Variants in C8orf34 observed in about 807,000 individuals in gnomAD.
The protein encoded by C8orf34 is chromosome 8 open reading frame 34.
A neutral mutation model predicts 68.3 loss-of-function variants in C8orf34; 65 were observed. The observed-to-expected ratio is 0.95, with a 90% CI of 0.78 to 1.17. The LOEUF (loss-of-function observed/expected upper bound fraction) is 1.17. Among genes scored for constraint, C8orf34 ranks in the 50% most tolerant of loss-of-function variants. The pLI is 0.00. For missense variants in C8orf34, 664 were observed against 655.4 expected (o/e 1.01, Z -0.14); for synonymous variants, 244 against 241.2 (o/e 1.01, Z -0.11).
intron 7 of C8orf34, among the ~76,000 whole-genome samples, chr8:68,568,335 T>C (rs1586386450): frequency 6.6e-6 from 1 of 152,288 alleles, no homozygotes; most frequent in East Asian, 1.9e-4. Flanking sequence ...TGTCTTGGCT[T>C]TCCCTGTGTC....
At chr8:68,685,974 A>G (rs904065477) in intron 8 of C8orf34, among the ~76,000 whole-genome samples, 3 of 152,026 alleles carry the variant, frequency 2.0e-5, no homozygotes, top group African/African-American at 7.2e-5. Flanking sequence ...TACCATAGAA[A>G]TGCAAAAGAT....
intron 6 of C8orf34, among the ~76,000 whole-genome samples, chr8:68,524,170 C>G (rs1347602723): frequency 6.6e-6 from 1 of 152,174 alleles, no homozygotes; most frequent in African/African-American, 2.4e-5. Flanking sequence ...AGCCAGCTTT[C>G]CTTTTCATGC....
chr8:68,772,851 C>T lies in C8orf34; in HGVS notation c.1405-3548C>T, dbSNP rs552431294. Among the ~76,000 whole-genome samples, 3 of 148,160 alleles carry T rather than the reference C, an allele frequency of 2.0e-5. No homozygotes were observed. The South Asian group carries it at 6.5e-4, about 32-fold the overall frequency. On this transcript the variant is annotated intron_variant, in intron 10 of 13. Transcript: ENST00000518698. ...CTTTCTTTTCTTTCTTTCTCTCTTT[C>T]TCTCCTTCCTTCCTTCTTTCCTTCC...
At chr8:68,517,419 T>C (rs1412528434) in intron 5 of C8orf34, among the ~76,000 whole-genome samples, 1 of 152,198 alleles carries the variant, frequency 6.6e-6, no homozygotes, top group Admixed American at 6.5e-5. Context: ...AAGAGCTTTG[T>C]GAATTTAGAA....
chr8:68,422,319 C>CA (rs368951790), intron 1 of C8orf34, among the ~76,000 whole-genome samples: 168 of 152,296 alleles, frequency 1.1e-3, no homozygotes, highest in African/African-American at 3.8e-3. Context: ...AATGGAGATA[C>CA]GGTATTGGGT....
At chr8:68,402,021 TACAAA>T (rs1808980241) in intron 1 of C8orf34, among the ~76,000 whole-genome samples, 1 of 152,238 alleles carries the variant, frequency 6.6e-6, no homozygotes, top group South Asian at 2.1e-4. Context: ...AAAATTTGGC[TACAAA>T]TTCACCTGGT....
At chr8:68,346,171 TA>T (rs1168895468) in intron 1 of C8orf34, among the ~76,000 whole-genome samples, 1 of 149,776 alleles carries the variant, frequency 6.7e-6, no homozygotes, top group Admixed American at 6.6e-5. Context: ...TGATTGGAAA[TA>T]TGATATATTT....
At position 68,805,107 on chromosome 8, in the gene C8orf34, T is replaced by C. The variant is rs147063833; in HGVS notation, c.1550-10779T>C. ...TTTCAGGCTTGCATTTTTTTTCTGA[T>C]ATGTAGGTTTAAGTTTTAAATGTTT... On this transcript the variant is annotated intron_variant, in intron 12 of 13. Transcript: ENST00000518698. Among the ~76,000 whole-genome samples the C allele has an allele frequency of 6.2e-3, 949 of 152,306 alleles. 7 individuals carry two copies. The highest frequency in any genetic ancestry group is 0.021 in the African/African-American group (880 of 41,576).
intron 7 of C8orf34, among the ~76,000 whole-genome samples, chr8:68,562,287 C>T (rs1816455796): frequency 1.3e-5 from 2 of 152,086 alleles, no homozygotes; most frequent in Admixed American, 1.3e-4. Flanking sequence ...TTGACCAAAG[C>T]ATCTGTATTT....
At chr8:68,711,531 G>C (rs1428864884) in intron 9 of C8orf34, among the ~76,000 whole-genome samples, 1 of 151,980 alleles carries the variant, frequency 6.6e-6, no homozygotes, top group East Asian at 1.9e-4. Flanking sequence ...ACACTGGAAA[G>C]TATCAGCAAT....
At chr8:68,604,626 G>A (rs868446558) in intron 7 of C8orf34, among the ~76,000 whole-genome samples, 16 of 152,032 alleles carry the variant, frequency 1.1e-4, no homozygotes, top group East Asian at 1.9e-4. Context: ...TAGTTTCACC[G>A]AAATATGCTG....
chr8:68,464,482 G>A (rs1459993830), intron 3 of C8orf34, among the ~76,000 whole-genome samples: 5 of 151,454 alleles, frequency 3.3e-5, no homozygotes, highest in Admixed American at 2.0e-4. Flanking sequence ...AAAAGAGCCC[G>A]CATCGCCAAG....
intron 7 of C8orf34, among the ~76,000 whole-genome samples, chr8:68,567,544 C>A (rs1404539502): frequency 8.4e-6 from 1 of 119,210 alleles, no homozygotes; most frequent in Non-Finnish European, 1.7e-5. Context: ...AATGATGTAT[C>A]AATTTTATCT....
chr8:68,373,696 AT>A (rs1807664279), intron 1 of C8orf34, among the ~76,000 whole-genome samples: 1 of 152,222 alleles, frequency 6.6e-6, no homozygotes, highest in Non-Finnish European at 1.5e-5. Context: ...GGCCAAAAAA[AT>A]AAAGTATGTT....
rs547970016 is a variant in C8orf34, at chr8:68,610,750, G to A, written c.1106-29626G>A. 5.3e-5 allele frequency among the ~76,000 whole-genome samples: 8 copies of A among 151,906 alleles called. 1 individual carries two copies. In the South Asian group the frequency reaches 1.5e-3, roughly 28 times the overall value. Reference sequence around the variant, plus strand: ...GGACTAAGTAAAAGTAACTAATGAGGGAATGTTAGTGTCAAGTACATTTTA... The same window carrying A: ...GGACTAAGTAAAAGTAACTAATGAGAGAATGTTAGTGTCAAGTACATTTTA... On this transcript the variant is annotated intron_variant, in intron 7 of 13. Coordinates refer to ENST00000518698, the MANE Select transcript of C8orf34 (RefSeq NM_052958.4).
At chr8:68,341,972 TAGAC>T (rs1806089647) in intron 1 of C8orf34, among the ~76,000 whole-genome samples, 1 of 152,196 alleles carries the variant, frequency 6.6e-6, no homozygotes, top group Non-Finnish European at 1.5e-5. Flanking sequence ...AGGTTTCAGT[TAGAC>T]AGAAGGAATA....
At chr8:68,596,301 A>G (rs1399744366) in intron 7 of C8orf34, among the ~76,000 whole-genome samples, 2 of 152,070 alleles carry the variant, frequency 1.3e-5, no homozygotes, top group African/African-American at 2.4e-5. Flanking sequence ...TTGGATAATC[A>G]TATTCCTCAG....
At chr8:68,502,606 G>A (rs1255930687) in intron 5 of C8orf34, among the ~76,000 whole-genome samples, 1 of 152,054 alleles carries the variant, frequency 6.6e-6, no homozygotes, top group African/African-American at 2.4e-5. Flanking sequence ...TAGTAAAAGT[G>A]GAGGGAAAAA....
chr8:68,762,563 CT>C (rs1160248009), intron 10 of C8orf34, among the ~76,000 whole-genome samples: 1 of 152,186 alleles, frequency 6.6e-6, no homozygotes, highest in Non-Finnish European at 1.5e-5. Flanking sequence ...TTTGGCTCCT[CT>C]GTTTCTGATT....
Sources: allele counts gnomAD v4.1 joint callset (sites outside exome capture counted in the v4.1 genomes callset), GRCh38; gene constraint gnomAD v4.1.1; transcripts MANE v1.5; gene names NCBI Gene and HGNC (gene_info 2026-07-23, HGNC 2026-07-21).